MED13L: variants seen among roughly 807,000 people sequenced by gnomAD.
The protein encoded by MED13L is mediator of RNA polymerase II transcription subunit 13-like.
MED13L carries 7 observed loss-of-function variants against 220.9 expected under a neutral mutation model. That is an observed-to-expected ratio of 0.03 (90% confidence interval 0.02 to 0.06). The LOEUF (loss-of-function observed/expected upper bound fraction) is 0.06, where lower values mean the gene tolerates loss of function less well. Ranked by LOEUF, MED13L falls within the 10% of genes least tolerant of loss-of-function variation. The pLI, the probability that MED13L is intolerant of heterozygous loss-of-function variation, is 1.00. For synonymous variants in MED13L, 1,011 were observed against 1,015.2 expected, an observed-to-expected ratio of 1.00 and a Z score of 0.08; for missense variants, 1,965 against 2,760.5, an observed-to-expected ratio of 0.71 and a Z score of 6.46.
intron 2 of MED13L, among the ~76,000 whole-genome samples, chr12:116,138,018 G>A (rs1037606072): frequency 2.2e-4 from 34 of 151,916 alleles, no homozygotes; most frequent in Middle Eastern, 3.4e-3. Context: ...CACTACATCC[G>A]GCTAATTTTG....
At chr12:116,089,478 A>C (rs1871999362) in intron 4 of MED13L, among the ~76,000 whole-genome samples, 1 of 152,226 alleles carries the variant, frequency 6.6e-6, no homozygotes, top group African/African-American at 2.4e-5. Context: ...AACATACCAT[A>C]AGTATTACAG....
chr12:116,242,048 C>CTTTTTTTTT (rs767214989), intron 1 of MED13L, among the ~76,000 whole-genome samples: 4 of 106,652 alleles, frequency 3.8e-5, no homozygotes, highest in Non-Finnish European at 3.8e-5. Context: ...GTTCTTTTGT[C>CTTTTTTTTT]TTTTTTTTTT....
chr12:116,256,735 G>C (rs1159188024), intron 1 of MED13L, among the ~76,000 whole-genome samples: 1 of 140,494 alleles, frequency 7.1e-6, no homozygotes. Flanking sequence ...TGCCAGGCTG[G>C]AGTGCAGTGG....
chr12:116,022,229 A>G (rs967179243), intron 5 of MED13L, among the ~76,000 whole-genome samples: 8 of 152,258 alleles, frequency 5.3e-5, no homozygotes, highest in South Asian at 2.1e-4. Context: ...AAAAGAATAC[A>G]CATAAGACCA....
chr12:115,969,075 T>C lies in MED13L; in HGVS notation c.6090A>G (p.Pro2030=). 1 of 1,613,858 alleles carries C rather than the reference T, an allele frequency of 6.2e-7. No homozygotes were observed. The highest frequency in any genetic ancestry group is 8.5e-7 in the Non-Finnish European group (1 of 1,179,912). ...PNNDDMFVDL[P]FPDDMDNDIG... ...TATCATTGTCCATATCATCTGGGAA[T>C]GGAAGGTCAACAAACATATCATCTA... Residue 2030 remains proline (P), a synonymous_variant, in exon 28 of 31, where the codon CCA becomes CCG. Coordinates refer to ENST00000281928, the MANE Select transcript of MED13L (RefSeq NM_015335.5).
intron 4 of MED13L, among the ~76,000 whole-genome samples, chr12:116,075,850 G>A (rs561943283): frequency 6.6e-6 from 1 of 151,980 alleles, no homozygotes; most frequent in Admixed American, 6.5e-5. Context: ...TTTCTCAATT[G>A]CAGTTGTGTG....
At chr12:116,008,242 G>A in intron 10 of MED13L, 159 bp downstream of exon 10, 2 of 1,039,112 alleles carry the variant, frequency 1.9e-6, no homozygotes, top group Non-Finnish European at 2.7e-6. Context: ...CTATAAGTAG[G>A]ACAAAGCATT....
intron 3 of MED13L, among the ~76,000 whole-genome samples, chr12:116,098,298 G>A (rs926620769): frequency 6.6e-5 from 10 of 151,870 alleles, no homozygotes; most frequent in African/African-American, 2.4e-4. Context: ...AAATGTGGGG[G>A]GGAAATGGGG....
intron 4 of MED13L, among the ~76,000 whole-genome samples, chr12:116,027,677 T>C (rs1880485327): frequency 6.6e-6 from 1 of 152,144 alleles, no homozygotes. Context: ...ATGTGTCATA[T>C]TTGGTGCTTA....
intron 30 of MED13L, among the ~76,000 whole-genome samples, chr12:115,961,888 T>C (rs1875784290): frequency 1.3e-5 from 2 of 152,034 alleles, no homozygotes; most frequent in African/African-American, 4.8e-5. Flanking sequence ...GGAGAATTGC[T>C]TGAACCTGTG....
chr12:116,008,570 T>C lies in MED13L; in HGVS notation c.1843A>G (p.Thr615Ala). The C allele has an allele frequency of 1.2e-6, 2 of 1,614,056 alleles. No individual in the cohort carries two copies. The highest frequency in any genetic ancestry group is 1.7e-6 in the Non-Finnish European group (2 of 1,179,994). Residue 615 changes from threonine to alanine, a missense_variant, in exon 10 of 31, where the codon ACA becomes GCA. Physicochemically the swap from Thr to Ala is moderately conservative, Grantham distance 58. Transcript: ENST00000281928. The part of the protein sequence containing the change: ...RLPLMAEVSE[T>A]ALYCGIRPSN... ...GGCCTAATCCCACAATATAAGGCTGTCTCGCTGACCTCTGCCATGAGAGGC... is the reference window on the plus strand; with the variant it reads ...GGCCTAATCCCACAATATAAGGCTGCCTCGCTGACCTCTGCCATGAGAGGC...
intron 30 of MED13L, 172 bp from the exon 31 acceptor site, chr12:115,961,570 T>G: frequency 1.1e-6 from 1 of 929,022 alleles, no homozygotes; most frequent in Non-Finnish European, 1.7e-6. Flanking sequence ...CTTCTAGATA[T>G]GGACTATCCA....
At chr12:116,178,810 A>G (rs1398067218) in intron 2 of MED13L, among the ~76,000 whole-genome samples, 2 of 152,220 alleles carry the variant, frequency 1.3e-5, no homozygotes, top group Non-Finnish European at 2.9e-5. Context: ...TCGCTTCTAA[A>G]ATATTGTGAC....
rs1164893318 is a variant in MED13L at position 116,220,691 on chromosome 12, T to A, written c.310+16777A>T. On this transcript the variant is annotated intron_variant, in intron 2 of 30. Coordinates refer to ENST00000281928, the MANE Select transcript of MED13L (RefSeq NM_015335.5). Reference sequence around the variant, plus strand: ...TCCAGCCTAGGCAACAGAGCGAGACTCTGTCTCAAAATAAAGGGGCCATAA... The same window carrying A: ...TCCAGCCTAGGCAACAGAGCGAGACACTGTCTCAAAATAAAGGGGCCATAA... Among the ~76,000 whole-genome samples, 11 of 152,304 alleles carry A rather than the reference T, an allele frequency of 7.2e-5. No individual in the cohort carries two copies. The East Asian group carries it at 2.1e-3, about 29-fold the overall frequency.
intron 4 of MED13L, among the ~76,000 whole-genome samples, chr12:116,040,598 C>T (rs575247882): frequency 6.6e-6 from 1 of 152,144 alleles, no homozygotes; most frequent in East Asian, 1.9e-4. Flanking sequence ...TCAGATCTAC[C>T]ACTTTCCCAC....
intron 2 of MED13L, among the ~76,000 whole-genome samples, chr12:116,152,090 T>C (rs1464126215): frequency 6.6e-6 from 1 of 152,172 alleles, no homozygotes; most frequent in Non-Finnish European, 1.5e-5. Flanking sequence ...CTATCCTACA[T>C]GGAAATATAT....
At chr12:116,041,593 C>T (rs1012100307) in intron 4 of MED13L, among the ~76,000 whole-genome samples, 8 of 152,110 alleles carry the variant, frequency 5.3e-5, no homozygotes, top group African/African-American at 1.4e-4. Context: ...GCCTGCAATC[C>T]CAGCACTTTG....
At chr12:116,015,035 G>A (rs1320682383) in intron 8 of MED13L, 74 bp downstream of exon 8, 1 of 1,454,436 alleles carries the variant, frequency 6.9e-7, no homozygotes. Flanking sequence ...AGTGCAATGT[G>A]ATTGACATTT....
chr12:116,103,999 CTTTTTTTT>C (rs36066243), intron 3 of MED13L, among the ~76,000 whole-genome samples: 16 of 57,464 alleles, frequency 2.8e-4, no homozygotes, highest in East Asian at 6.8e-4. Flanking sequence ...GGACATTGCT[CTTTTTTTT>C]TTTTTTTTTT....
Sources: allele counts gnomAD v4.1 joint callset (sites outside exome capture counted in the v4.1 genomes callset), GRCh38; gene constraint gnomAD v4.1.1; transcripts MANE v1.5; gene names NCBI Gene and HGNC (gene_info 2026-07-23, HGNC 2026-07-21).